The following TBC1D2B variants were observed in gnomAD, a reference collection of about 807,000 sequenced individuals.
TBC1D2B encodes the protein TBC1 domain family, member 2B.
A neutral mutation model predicts 100.8 loss-of-function variants in TBC1D2B; 64 were observed. That is an observed-to-expected ratio of 0.64 (90% CI 0.52 to 0.78). The LOEUF is 0.78. TBC1D2B is among the 30% of genes least tolerant of loss of function. TBC1D2B has a pLI of 0.00. For missense variants in TBC1D2B, 1,052 were observed against 1,218.4 expected (o/e 0.86, Z 2.03); for synonymous variants, 480 against 479.7 (o/e 1.00, Z -0.01).
At chr15:78,011,229 T>C (rs1222380174) in intron 9 of TBC1D2B, among the ~76,000 whole-genome samples, 1 of 152,094 alleles carries the variant, frequency 6.6e-6, no homozygotes, top group Non-Finnish European at 1.5e-5. Context: ...TGAAAACCAT[T>C]TGGTTTCAGG....
At chr15:78,040,717 G>A (rs535687536) in intron 3 of TBC1D2B, among the ~76,000 whole-genome samples, 1 of 135,148 alleles carries the variant, frequency 7.4e-6, no homozygotes, top group Non-Finnish European at 1.6e-5. Flanking sequence ...GAGGAAGGAA[G>A]GAGAGAGAAA....
intron 2 of TBC1D2B, among the ~76,000 whole-genome samples, chr15:78,053,033 G>A (rs1424269706): frequency 6.6e-6 from 1 of 152,188 alleles, no homozygotes; most frequent in African/African-American, 2.4e-5. Context: ...ACTGATAAGA[G>A]GGTTAACCTG....
At chr15:78,007,662 C>G (rs2072103429) in intron 10 of TBC1D2B, among the ~76,000 whole-genome samples, 1 of 152,214 alleles carries the variant, frequency 6.6e-6, no homozygotes, top group Non-Finnish European at 1.5e-5. Flanking sequence ...GAATGTCATC[C>G]AGGGGCTGGC....
At position 77,996,317 on chromosome 15, in the gene TBC1D2B, G is replaced by C. The variant is rs1287426504; in HGVS notation, c.*1843C>G. 1 of 152,138 alleles carries C rather than the reference G, an allele frequency of 6.6e-6. No homozygotes were observed. Among genetic ancestry groups the C allele is most frequent in the Non-Finnish European group, 1.5e-5 (1 of 68,046 alleles). 9.4% of individuals were successfully genotyped at this position (152,138 alleles called of 1,614,324 possible). ...TGGCAGTGTGTGCTGGCATGTTCCA[G>C]GGGCCATTGGCTCGGAAAGTAAAAC... On this transcript the variant is annotated 3_prime_UTR_variant, in exon 13 of 13. Coordinates refer to ENST00000300584, the MANE Select transcript of TBC1D2B (RefSeq NM_144572.2).
At chr15:78,062,348 G>T (rs1033991665) in intron 1 of TBC1D2B, among the ~76,000 whole-genome samples, 2 of 152,174 alleles carry the variant, frequency 1.3e-5, no homozygotes, top group Admixed American at 1.3e-4. Flanking sequence ...CAACTTCAAA[G>T]TCACTAAGCA....
At chr15:78,000,401 T>C (rs28491609) in intron 12 of TBC1D2B, among the ~76,000 whole-genome samples, 7,905 of 152,262 alleles carry the variant, frequency 0.052, 414 homozygotes, top group African/African-American at 0.13. Flanking sequence ...CCCTAGCTGT[T>C]GGCATGGGCG....
chr15:78,050,457 ATTAG>A (rs1459878799), intron 2 of TBC1D2B, among the ~76,000 whole-genome samples: 1 of 152,190 alleles, frequency 6.6e-6, no homozygotes, highest in African/African-American at 2.4e-5. Context: ...TTGTTTTCTT[ATTAG>A]TTTATGTGGG....
intron 1 of TBC1D2B, among the ~76,000 whole-genome samples, chr15:78,068,619 C>T (rs767975589): frequency 2.0e-5 from 3 of 152,170 alleles, no homozygotes; most frequent in Admixed American, 1.3e-4. Flanking sequence ...CGACTGAGGG[C>T]CTCCTGTGCT....
intron 2 of TBC1D2B, among the ~76,000 whole-genome samples, chr15:78,047,922 A>G (rs1329219169): frequency 1.3e-5 from 2 of 152,212 alleles, no homozygotes; most frequent in Non-Finnish European, 2.9e-5. Flanking sequence ...AATCATCATC[A>G]CAATTCTAAG....
chr15:77,998,225 G>A lies in TBC1D2B; in HGVS notation c.2827C>T (p.Leu943=), dbSNP rs757066096. The A allele has an allele frequency of 1.4e-5, 22 of 1,579,038 alleles. No individual in the cohort carries two copies. Among genetic ancestry groups the A allele is most frequent in the East Asian group, 2.3e-5 (1 of 42,748 alleles). ...TCAGGGCTGGTGTCCCGCTCACGCA[G>A]GAAGTCCTCACGGATGGCCTCCAGC... The part of the protein sequence containing the change: ...TELEAIREDF[L]RERDTSPDKG... The change falls in exon 13 of 13, where the codon CTG becomes TTG. Residue 943 remains leucine (L), a synonymous_variant. Transcript: ENST00000300584.
At chr15:78,012,057 G>A (rs1437227986) in intron 9 of TBC1D2B, among the ~76,000 whole-genome samples, 1 of 152,186 alleles carries the variant, frequency 6.6e-6, no homozygotes, top group African/African-American at 2.4e-5. Flanking sequence ...TTACAGGTGT[G>A]AGCCACTGCA....
intron 4 of TBC1D2B, among the ~76,000 whole-genome samples, chr15:78,027,064 A>G (rs576270460): frequency 6.6e-6 from 1 of 152,306 alleles, no homozygotes; most frequent in African/African-American, 2.4e-5. Flanking sequence ...AAAAGAAAAA[A>G]AAAATACTAT....
Position 78,001,657 on chromosome 15 carries a change from C to T in TBC1D2B, c.2658G>A (p.Lys886=), listed in dbSNP as rs755154402. The change falls in exon 12 of 13, where the codon AAG becomes AAA. Residue 886 remains lysine, a synonymous_variant. Transcript: ENST00000300584. The part of the protein sequence containing the change: ...LKLQDSMSIF[K]YLRYFTRTIL... ...TAGTGCGAGTGAAGTAGCGGAGATA[C>T]TTAAATATAGACATCGAATCTTGCA... is the stretch of plus-strand genomic sequence containing the variant. The T allele has an allele frequency of 1.2e-6, 2 of 1,608,702 alleles. No individual in the cohort carries two copies. The highest frequency in any genetic ancestry group is 3.4e-5 in the Admixed American group (2 of 59,334).
chr15:78,032,295 C>T lies in TBC1D2B; in HGVS notation c.684-2125G>A, dbSNP rs556924330. Reference sequence around the variant, plus strand: ...CTGAGAAAGGCTACTGATGGTATCCCTAAAGCCTGTGCTCATCCTACCAAG... The same window carrying T: ...CTGAGAAAGGCTACTGATGGTATCCTTAAAGCCTGTGCTCATCCTACCAAG... On this transcript the variant is annotated intron_variant, in intron 3 of 12. Coordinates refer to ENST00000300584, the MANE Select transcript of TBC1D2B (RefSeq NM_144572.2). Among the ~76,000 whole-genome samples, 41 of 152,164 alleles carry T rather than the reference C, an allele frequency of 2.7e-4. No homozygotes were observed. In the South Asian group the frequency reaches 6.4e-3, roughly 24 times the overall value.
In TBC1D2B at chr15:77,995,454, G is replaced by A. The variant is rs1567007668; in HGVS notation, c.*2706C>T. 1.3e-5 allele frequency: 2 copies of A among 152,440 alleles called. No individual in the cohort carries two copies. The highest frequency in any genetic ancestry group is 2.1e-4 in the South Asian group (1 of 4,826). The allele number at this position is 152,440 out of a possible 1,614,324, so 9.4% of individuals were successfully genotyped here. Reference sequence around the variant, plus strand: ...AAGAAGTGGGCCTGCACATCACATCGGTGAGTCAGTGAGAGTCAGGGCCAG... The same window carrying A: ...AAGAAGTGGGCCTGCACATCACATCAGTGAGTCAGTGAGAGTCAGGGCCAG... On this transcript the variant is annotated 3_prime_UTR_variant, in exon 13 of 13. Coordinates refer to ENST00000300584, the MANE Select transcript of TBC1D2B (RefSeq NM_144572.2).
chr15:78,016,574 G>C lies in TBC1D2B; in HGVS notation c.1747C>G (p.Gln583Glu). The change falls in exon 8 of 13, where the codon CAA becomes GAA. Residue 583 changes from glutamine (Q) to glutamate (E), a missense_variant. By Grantham distance (29) the Gln-to-Glu change is conservative (BLOSUM62 2). Transcript: ENST00000300584. ...ACAAGATGAGGTTTAACAAATGCTT[G>C]CTCCGGCTGCTCTTGGCTCTCAACC... The part of the protein sequence containing the change: ...LQVESQEQPE[Q>E]AFVKPHLVSE... 1 of 1,612,776 alleles carries C rather than the reference G, an allele frequency of 6.2e-7. No individual in the cohort carries two copies. Among genetic ancestry groups the C allele is most frequent in the Non-Finnish European group, 8.5e-7 (1 of 1,179,588 alleles).
At chr15:78,047,848 C>T (rs570755154) in intron 2 of TBC1D2B, among the ~76,000 whole-genome samples, 3 of 152,278 alleles carry the variant, frequency 2.0e-5, no homozygotes, top group African/African-American at 7.2e-5. Flanking sequence ...CACCATGTGT[C>T]AGTCTACAGG....
intron 4 of TBC1D2B, among the ~76,000 whole-genome samples, chr15:78,027,246 G>GA (rs1156417903): frequency 6.6e-6 from 1 of 152,176 alleles, no homozygotes; most frequent in Non-Finnish European, 1.5e-5. Context: ...GTAGTGACTG[G>GA]AAAGGGCACG....
rs1206031190 is a variant in TBC1D2B at position 78,077,329 on chromosome 15, G to A, written c.324C>T (p.Phe108=). ...AEPGTEPPAH[F]QVHSAGAVTV... ...TGACGGCTCCCGCGCTGTGCACCTG[G>A]AAGTGCGCGGGCGGCTCCGTGCCCG... The change falls in exon 1 of 13, where the codon TTC becomes TTT. Residue 108 remains phenylalanine (F), a synonymous_variant. Coordinates refer to ENST00000300584, the MANE Select transcript of TBC1D2B (RefSeq NM_144572.2). 6 of 1,536,230 alleles carry A rather than the reference G, an allele frequency of 3.9e-6. No homozygotes were observed. Among genetic ancestry groups the A allele is most frequent in the Non-Finnish European group, 5.3e-6 (6 of 1,142,166 alleles).
Sources: allele counts gnomAD v4.1 joint callset (sites outside exome capture counted in the v4.1 genomes callset), GRCh38; gene constraint gnomAD v4.1.1; transcripts MANE v1.5; gene names NCBI Gene and HGNC (gene_info 2026-07-23, HGNC 2026-07-21).